The following MRC1 variants were observed in gnomAD, a reference collection of about 807,000 sequenced individuals.
MRC1 encodes macrophage mannose receptor 1.
MRC1 carries 62 observed loss-of-function variants against 102.9 expected under a neutral mutation model. The ratio of observed to expected loss-of-function variants is 0.60; its 90% confidence interval spans 0.49 to 0.74. The LOEUF is 0.74. MRC1 is among the 30% of genes least tolerant of loss of function. The probability of loss-of-function intolerance (pLI) is 0.00; values close to 1 mark genes in which losing one functional copy is unlikely to be tolerated. For missense variants in MRC1, 1,237 were observed against 862.8 expected, an observed-to-expected ratio of 1.43 and a Z score of -5.43; for synonymous variants, 457 against 298.4, an observed-to-expected ratio of 1.53 and a Z score of -5.48.
chr10:17,809,662 A>G (rs1477970679), intron 1 of MRC1, 136 bp downstream of exon 1: 8 of 769,018 alleles, frequency 1.0e-5, no homozygotes, highest in Admixed American at 7.2e-5. Context: ...CACGCAGTCC[A>G]CGGCTAAGCC....
At chr10:17,811,518 A>AC (rs58447754) in intron 1 of MRC1, among the ~76,000 whole-genome samples, 25,425 of 151,010 alleles carry the variant, frequency 0.17, 2,465 homozygotes, top group Non-Finnish European at 0.21. Flanking sequence ...AATTCAAGGG[A>AC]CCCCCCTTCC....
At chr10:17,815,429 G>T (rs900053805) in intron 1 of MRC1, among the ~76,000 whole-genome samples, 91 of 152,316 alleles carry the variant, frequency 6.0e-4, no homozygotes, top group South Asian at 2.7e-3. Context: ...TCTTAAGGGG[G>T]ATCTGGGGAG....
chr10:17,883,469 A>T (rs889164425), intron 21 of MRC1, among the ~76,000 whole-genome samples: 231 of 150,484 alleles, frequency 1.5e-3, no homozygotes, highest in African/African-American at 5.4e-3. Context: ...ACGGTGGAAG[A>T]GTTTTTTTTT....
chr10:17,824,815 T>C (rs1277993348), intron 2 of MRC1, among the ~76,000 whole-genome samples: 1 of 152,180 alleles, frequency 6.6e-6, no homozygotes, highest in African/African-American at 2.4e-5. Context: ...AATATAATAT[T>C]ATGCTTCCCT....
At chr10:17,822,763 G>A (rs1838415328) in intron 1 of MRC1, among the ~76,000 whole-genome samples, 2 of 152,130 alleles carry the variant, frequency 1.3e-5, no homozygotes. Flanking sequence ...TTCCACTCCT[G>A]GACAATCCTT....
rs1009780075 is a variant in MRC1 at position 17,831,218 on chromosome 10, C to G, written c.638-2457C>G. Among the ~76,000 whole-genome samples, 306 of 151,106 alleles carry G rather than the reference C, an allele frequency of 2.0e-3. 16 individuals carry two copies. Among genetic ancestry groups the G allele is most frequent in the African/African-American group, 7.0e-3 (283 of 40,538 alleles). On this transcript the variant is annotated intron_variant, in intron 3 of 29. Coordinates refer to ENST00000569591, the MANE Select transcript of MRC1 (RefSeq NM_002438.4). ...ATTTTCTACCATATTATAAACAAAA[C>G]CTTCCTCCAGTTGTCTAAAACGAGT...
rs983881902 is a variant in MRC1, at chr10:17,870,309, C to G, written c.2047C>G (p.Leu683Val). 2.7e-5 allele frequency: 21 copies of G among 780,358 alleles called. No individual in the cohort carries two copies. Among genetic ancestry groups the G allele is most frequent in the Non-Finnish European group, 5.0e-5 (21 of 417,740 alleles). The allele number at this position is 780,358 out of a possible 1,614,324, so 48.3% of individuals were successfully genotyped here. ...WFESRDFCRA[L>V]GGDLASINNK... ...TGAATCTCGAGATTTTTGTCGAGCT[C>G]TGGGTGGAGACTTAGCTAGCATCAA... Residue 683 changes from leucine (L) to valine (V), a missense_variant, in exon 13 of 30, where the codon CTG becomes GTG. Transcript: ENST00000569591.
rs782327727 is a variant in MRC1 at position 17,810,593 on chromosome 10, CT to C, written c.61+1070del. Among the ~76,000 whole-genome samples, 681 of 152,232 alleles carry C rather than the reference CT, an allele frequency of 4.5e-3. 1 individual carries two copies. Among genetic ancestry groups the C allele is most frequent in the Middle Eastern group, 6.8e-3 (2 of 294 alleles). On this transcript the variant is annotated intron_variant, in intron 1 of 29. Transcript: ENST00000569591. ...GGGCAGGCTACTTTATTTCTTTGTGCTTTAGTTTCCATGTCTATAAAATGGA... is the reference window on the plus strand; with the variant it reads ...GGGCAGGCTACTTTATTTCTTTGTGCTTAGTTTCCATGTCTATAAAATGGA...
intron 3 of MRC1, among the ~76,000 whole-genome samples, chr10:17,832,036 C>T (rs1451861983): frequency 6.6e-6 from 1 of 151,542 alleles, no homozygotes; most frequent in Non-Finnish European, 1.5e-5. Context: ...AATGAGAAAA[C>T]GAGACTTCAA....
chr10:17,900,218 A>T (rs1326608956), intron 24 of MRC1, among the ~76,000 whole-genome samples: 1 of 151,998 alleles, frequency 6.6e-6, no homozygotes, highest in Non-Finnish European at 1.5e-5. Flanking sequence ...AATATAGCTG[A>T]AAGACTGCCT....
intron 8 of MRC1, among the ~76,000 whole-genome samples, chr10:17,853,494 T>C (rs1277570136): frequency 6.6e-6 from 1 of 152,080 alleles, no homozygotes; most frequent in Non-Finnish European, 1.5e-5. Flanking sequence ...GCCATATATA[T>C]GATTATGCAT....
In MRC1 at chr10:17,823,310, T is replaced by G; in HGVS notation, c.298T>G (p.Trp100Gly). Reference protein sequence around the residue: ...ACDSKSEFQKWECKNDTLLGI... With the variant: ...ACDSKSEFQKGECKNDTLLGI... ...TGACTCAAAAAGTGAATTTCAGAAATGGGAGTGCAAAAATGACACACTTTT... is the reference window on the plus strand; with the variant it reads ...TGACTCAAAAAGTGAATTTCAGAAAGGGGAGTGCAAAAATGACACACTTTT... The change falls in exon 2 of 30, where the codon TGG (tryptophan) becomes GGG (glycine). Residue 100 changes from tryptophan to glycine, a missense_variant. Trp to Gly is a radical substitution (Grantham distance 184). Transcript: ENST00000569591. 1.3e-6 allele frequency: 1 copy of G among 780,852 alleles called. No individual in the cohort carries two copies. The highest frequency in any genetic ancestry group is 2.4e-6 in the Non-Finnish European group (1 of 417,956). 48.4% of individuals were successfully genotyped at this position (780,852 alleles called of 1,614,324 possible).
chr10:17,827,813 T>G, intron 3 of MRC1, 98 bp downstream of exon 3: 1 of 757,214 alleles, frequency 1.3e-6, no homozygotes. Flanking sequence ...CCCAAAGTTA[T>G]TTCACATTTA....
intron 4 of MRC1, among the ~76,000 whole-genome samples, chr10:17,834,412 GTTGTTTTGTT>G (rs1193733413): frequency 6.6e-6 from 1 of 151,852 alleles, no homozygotes; most frequent in African/African-American, 2.4e-5. Flanking sequence ...TTTGTGTTGT[GTTGTTTTGTT>G]TTGTTTTGAG....
intron 22 of MRC1, among the ~76,000 whole-genome samples, chr10:17,891,676 T>G (rs1833678678): frequency 6.6e-6 from 1 of 152,136 alleles, no homozygotes; most frequent in Admixed American, 6.5e-5. Context: ...AGTGTGAGGT[T>G]TCATGTTTAC....
chr10:17,853,134 C>G lies in MRC1; in HGVS notation c.1407+10C>G. On this transcript the variant is annotated intron_variant, in intron 8 of 29. Coordinates refer to ENST00000569591, the MANE Select transcript of MRC1 (RefSeq NM_002438.4). ...GGTGATGAAAGGCAAGGTAAGGCCA[C>G]TTGAATGACTGATATTTATAATGAA... 6 of 780,528 alleles carry G rather than the reference C, an allele frequency of 7.7e-6. No homozygotes were observed. In the South Asian group the frequency reaches 8.0e-5, roughly 10 times the overall value. 48.4% of individuals were successfully genotyped at this position (780,528 alleles called of 1,614,324 possible).
intron 18 of MRC1, 134 bp downstream of exon 18, chr10:17,878,101 GA>G: frequency 1.6e-6 from 1 of 631,928 alleles, no homozygotes; most frequent in Non-Finnish European, 2.9e-6. Context: ...AAAGCAACTT[GA>G]AAAAAGGAAT....
chr10:17,846,111 T>C (rs1838821763), intron 6 of MRC1, among the ~76,000 whole-genome samples: 1 of 152,128 alleles, frequency 6.6e-6, no homozygotes, highest in Non-Finnish European at 1.5e-5. Flanking sequence ...TTTCGCTGTG[T>C]TGGCCAGGCT....
chr10:17,888,770 A>G (rs985106294), intron 22 of MRC1, among the ~76,000 whole-genome samples: 30 of 152,342 alleles, frequency 2.0e-4, no homozygotes, highest in Non-Finnish European at 3.4e-4. Context: ...ACAGATGTCA[A>G]TGAGATCTGG....
Sources: allele counts gnomAD v4.1 joint callset (sites outside exome capture counted in the v4.1 genomes callset), GRCh38; gene constraint gnomAD v4.1.1; transcripts MANE v1.5; gene names NCBI Gene and HGNC (gene_info 2026-07-23, HGNC 2026-07-21).